CNTN4: variants seen among roughly 807,000 people sequenced by gnomAD.
CNTN4 encodes contactin 4.
In CNTN4, 77 loss-of-function variants were observed where a neutral mutation model predicts 122.5. The observed-to-expected ratio is 0.63, with a 90% confidence interval of 0.52 to 0.76. The LOEUF (loss-of-function observed/expected upper bound fraction) is 0.76, where lower values mean the gene tolerates loss of function less well. CNTN4 is among the 30% of genes least tolerant of loss of function. The probability of loss-of-function intolerance (pLI) is 0.00; values close to 1 mark genes in which losing one functional copy is unlikely to be tolerated. For missense variants in CNTN4, 1,256 were observed against 1,259.1 expected, an observed-to-expected ratio of 1.00 and a Z score of 0.04; for synonymous variants, 512 against 447.0, an observed-to-expected ratio of 1.15 and a Z score of -1.83.
chr3:2,194,081 G>C (rs1338830465), intron 2 of CNTN4, among the ~76,000 whole-genome samples: 2 of 152,112 alleles, frequency 1.3e-5, no homozygotes, highest in Non-Finnish European at 2.9e-5. Flanking sequence ...TCCCTGTTTA[G>C]AGGAAATACT....
intron 4 of CNTN4, among the ~76,000 whole-genome samples, chr3:2,629,813 G>A (rs550666639): frequency 5.9e-5 from 9 of 152,262 alleles, no homozygotes; most frequent in African/African-American, 2.2e-4. Flanking sequence ...TTACTAGAGA[G>A]TTCATGATAC....
At chr3:2,626,260 G>A (rs911050988) in intron 4 of CNTN4, among the ~76,000 whole-genome samples, 9 of 152,152 alleles carry the variant, frequency 5.9e-5, no homozygotes, top group African/African-American at 9.6e-5. Context: ...ATCTAAGGCC[G>A]AGGTGGGCGG....
chr3:2,171,912 A>C (rs1283405892), intron 2 of CNTN4, among the ~76,000 whole-genome samples: 1 of 152,218 alleles, frequency 6.6e-6, no homozygotes, highest in African/African-American at 2.4e-5. Context: ...TCCTTGGAAC[A>C]GGAGCACCTA....
intron 7 of CNTN4, among the ~76,000 whole-genome samples, chr3:2,851,605 AAG>A (rs1295962433): frequency 4.5e-4 from 69 of 152,190 alleles, no homozygotes; most frequent in Non-Finnish European, 7.3e-4. Context: ...ATTGTTTACA[AAG>A]TGTTCTTACT....
At chr3:2,336,216 G>GT (rs1217852663) in intron 2 of CNTN4, among the ~76,000 whole-genome samples, 1 of 144,018 alleles carries the variant, frequency 6.9e-6, no homozygotes, top group Non-Finnish European at 1.6e-5. Context: ...GATGTTTGTT[G>GT]TTTATTTGGG....
intron 2 of CNTN4, among the ~76,000 whole-genome samples, chr3:2,331,785 G>T (rs1375866934): frequency 6.6e-6 from 1 of 152,098 alleles, no homozygotes; most frequent in Admixed American, 6.5e-5. Context: ...TTGAATGAAG[G>T]TTGCCAGGTG....
At chr3:2,811,515 C>G (rs979317421) in intron 6 of CNTN4, among the ~76,000 whole-genome samples, 1 of 151,090 alleles carries the variant, frequency 6.6e-6, no homozygotes, top group South Asian at 2.1e-4. Context: ...GGCTAGAGTG[C>G]AGTGGCCTGA....
At chr3:2,725,253 A>G (rs1312410301) in intron 4 of CNTN4, among the ~76,000 whole-genome samples, 1 of 152,158 alleles carries the variant, frequency 6.6e-6, no homozygotes, top group Non-Finnish European at 1.5e-5. Flanking sequence ...TGCCCTCCTT[A>G]AATAGTGGCT....
chr3:2,457,305 A>G (rs959489293), intron 3 of CNTN4, among the ~76,000 whole-genome samples: 4 of 152,162 alleles, frequency 2.6e-5, no homozygotes, highest in Non-Finnish European at 4.4e-5. Flanking sequence ...TTTTGATAAC[A>G]TTTGAAAGGC....
intron 4 of CNTN4, among the ~76,000 whole-genome samples, chr3:2,712,028 A>T (rs892378109): frequency 6.6e-6 from 1 of 152,170 alleles, no homozygotes; most frequent in Non-Finnish European, 1.5e-5. Flanking sequence ...GGGTTCATCT[A>T]CTCTGGCTGC....
chr3:2,582,482 G>T (rs763641572), intron 4 of CNTN4, among the ~76,000 whole-genome samples: 1 of 152,124 alleles, frequency 6.6e-6, no homozygotes, highest in Non-Finnish European at 1.5e-5. Context: ...GATTGGGGGC[G>T]GCGGGGAGGG....
intron 3 of CNTN4, among the ~76,000 whole-genome samples, chr3:2,388,200 T>C (rs1259704671): frequency 6.6e-6 from 1 of 152,234 alleles, no homozygotes; most frequent in Non-Finnish European, 1.5e-5. Context: ...TGATGAGCTG[T>C]AGATACATTT....
At chr3:2,155,871 C>T (rs1015525657) in intron 2 of CNTN4, among the ~76,000 whole-genome samples, 3 of 152,174 alleles carry the variant, frequency 2.0e-5, no homozygotes, top group Non-Finnish European at 2.9e-5. Context: ...TCAGAAAGCA[C>T]CACCTTCTTG....
At chr3:2,943,426 AAG>A (rs1468927659) in intron 13 of CNTN4, among the ~76,000 whole-genome samples, 1 of 152,042 alleles carries the variant, frequency 6.6e-6, no homozygotes, top group East Asian at 1.9e-4. Flanking sequence ...GGAAGAAGCA[AAG>A]AGAGCACAGT....
At chr3:2,925,827 G>T in intron 13 of CNTN4, 48 bp downstream of exon 13, 1 of 1,514,160 alleles carries the variant, frequency 6.6e-7, no homozygotes, top group East Asian at 2.3e-5. Flanking sequence ...GTAAAAATGT[G>T]TTGGTCTGTT....
intron 6 of CNTN4, among the ~76,000 whole-genome samples, chr3:2,754,941 G>A (rs2090264000): frequency 1.3e-5 from 2 of 151,986 alleles, no homozygotes; most frequent in African/African-American, 4.8e-5. Context: ...CTACTACAGC[G>A]AGCCTTAATC....
chr3:2,120,926 T>C (rs73804691), intron 2 of CNTN4, among the ~76,000 whole-genome samples: 1 of 152,128 alleles, frequency 6.6e-6, no homozygotes, highest in Non-Finnish European at 1.5e-5. Context: ...ATGAACTAGA[T>C]ACTATGATGG....
chr3:2,453,879 G>A (rs188992266), intron 3 of CNTN4, among the ~76,000 whole-genome samples: 3 of 152,194 alleles, frequency 2.0e-5, no homozygotes, highest in Admixed American at 2.0e-4. Context: ...CTTGAAACCA[G>A]CAAATCATAT....
At chr3:2,383,823 C>T (rs988037212) in intron 3 of CNTN4, among the ~76,000 whole-genome samples, 4 of 151,542 alleles carry the variant, frequency 2.6e-5, no homozygotes, top group Non-Finnish European at 5.9e-5. Context: ...TCCCTCTCCT[C>T]TCTCCCTATC....
Sources: gnomAD v4.1 joint callset for allele counts (sites outside exome capture counted in the v4.1 genomes callset) on GRCh38, gnomAD v4.1.1 for gene constraint, MANE v1.5 for transcripts, NCBI Gene and HGNC (gene_info 2026-07-23, HGNC 2026-07-21) for gene names.